LRP1B: variants seen among roughly 807,000 people sequenced by gnomAD.
LRP1B encodes the protein low-density lipoprotein receptor-related protein 1B.
A neutral mutation model predicts 556.6 loss-of-function variants in LRP1B; 217 were observed. The ratio of observed to expected loss-of-function variants is 0.39; its 90% CI spans 0.35 to 0.44. LRP1B has a LOEUF of 0.44. Ranked by LOEUF, LRP1B falls within the 20% of genes least tolerant of loss-of-function variation. The probability of loss-of-function intolerance (pLI) is 1.00; values close to 1 mark genes in which losing one functional copy is unlikely to be tolerated. For missense variants in LRP1B, 5,053 were observed against 5,620.8 expected, an observed-to-expected ratio of 0.90 and a Z score of 3.23; for synonymous variants, 2,047 against 1,865.8, an observed-to-expected ratio of 1.10 and a Z score of -2.50.
At chr2:141,508,090 C>CCCG (rs781168665) in intron 2 of LRP1B, among the ~76,000 whole-genome samples, 1 of 149,716 alleles carries the variant, frequency 6.7e-6, no homozygotes, top group Non-Finnish European at 1.5e-5. Flanking sequence ...CATCCCCCCC[C>CCCG]CAAAAAAAAA....
In LRP1B at chr2:141,421,289, G is replaced by A. The variant is rs1310603622; in HGVS notation, c.343+59107C>T. 2.6e-5 allele frequency among the ~76,000 whole-genome samples: 4 copies of A among 152,128 alleles called. No individual in the cohort carries two copies. In the East Asian group the frequency reaches 5.8e-4, roughly 22 times the overall value. On this transcript the variant is annotated intron_variant, in intron 3 of 90. Coordinates refer to ENST00000389484, the MANE Select transcript of LRP1B (RefSeq NM_018557.3). ...CACGCCTGTAATCCCAGCACTTTGG[G>A]AGCCCGAGGTGGGCGGATCACGAGG... is the stretch of plus-strand genomic sequence containing the variant.
intron 2 of LRP1B, among the ~76,000 whole-genome samples, chr2:141,646,477 A>G (rs1022168691): frequency 6.6e-6 from 1 of 152,168 alleles, no homozygotes; most frequent in Admixed American, 6.6e-5. Context: ...TGATATGAAA[A>G]GAATAATACA....
At position 141,083,825 on chromosome 2, in the gene LRP1B, C is replaced by T. The variant is rs868683496; in HGVS notation, c.1014-21552G>A. Among the ~76,000 whole-genome samples, 10 of 152,258 alleles carry T rather than the reference C, an allele frequency of 6.6e-5. 2 individuals carry two copies. In the Middle Eastern group the frequency reaches 0.031, roughly 466 times the overall value. ...GTCCTCATTGGCAAGAGGGCCCTCA[C>T]CAGATTCACCCCCCGACCTTGGACT... On this transcript the variant is annotated intron_variant, in intron 7 of 90. Coordinates refer to ENST00000389484, the MANE Select transcript of LRP1B (RefSeq NM_018557.3).
At chr2:140,235,429 A>C (rs1053014518) in intron 89 of LRP1B, among the ~76,000 whole-genome samples, 17 of 151,218 alleles carry the variant, frequency 1.1e-4, no homozygotes, top group African/African-American at 3.6e-4. Context: ...AACAAAGTGA[A>C]TGCTCTATAA....
chr2:141,418,985 C>A (rs1016531734), intron 3 of LRP1B, among the ~76,000 whole-genome samples: 3 of 151,882 alleles, frequency 2.0e-5, no homozygotes, highest in South Asian at 2.1e-4. Context: ...AAATGGGATT[C>A]TTTTCTCAAT....
intron 39 of LRP1B, 128 bp downstream of exon 39, chr2:140,702,013 G>T: frequency 7.5e-7 from 1 of 1,327,650 alleles, no homozygotes; most frequent in Non-Finnish European, 1.0e-6. Context: ...TGCCTTTTCT[G>T]TGGAAATTAC....
In LRP1B at chr2:140,238,259, C is replaced by T. The variant is rs2104881805; in HGVS notation, c.13453G>A (p.Gly4485Arg). The T allele has an allele frequency of 6.4e-7, 1 of 1,565,288 alleles. No individual in the cohort carries two copies. Among genetic ancestry groups the T allele is most frequent in the Admixed American group, 1.7e-5 (1 of 59,280 alleles). The stretch of plus-strand genomic sequence containing the variant: ...GGATTGCCAATTTCTACATTTATTC[C>T]TCCATTGATAATAGGTTGTCTTCTA... Reference protein sequence around the residue: ...TIRRQPIINGGINVEIGNPSY... With the variant: ...TIRRQPIINGRINVEIGNPSY... Residue 4485 changes from glycine (G) to arginine (R), a missense_variant, in exon 89 of 91, where the codon GGA becomes AGA. Physicochemically the swap from Gly to Arg is moderately radical, Grantham distance 125. This residue lies in a region of LRP1B where 551 missense variants were observed against 592.0 expected (regional missense o/e 0.93). Transcript: ENST00000389484.
intron 84 of LRP1B, among the ~76,000 whole-genome samples, chr2:140,287,945 ATTTAT>A (rs1683219036): frequency 6.6e-6 from 1 of 151,832 alleles, no homozygotes; most frequent in South Asian, 2.1e-4. Flanking sequence ...AAATGTCTAC[ATTTAT>A]TTAATCAGAT....
At position 141,424,538 on chromosome 2, in the gene LRP1B, T is replaced by C. The variant is rs149465339; in HGVS notation, c.343+55858A>G. ...CCTGAATCTTCATTACTCTTACCCA[T>C]TCACATTTGAAAGGCACTTTGAATA... On this transcript the variant is annotated intron_variant, in intron 3 of 90. Coordinates refer to ENST00000389484, the MANE Select transcript of LRP1B (RefSeq NM_018557.3). 8.0e-4 allele frequency among the ~76,000 whole-genome samples: 122 copies of C among 152,314 alleles called. 2 individuals carry two copies. In the East Asian group the frequency reaches 0.019, roughly 23 times the overall value.
chr2:141,265,022 G>A (rs552921792), intron 3 of LRP1B, among the ~76,000 whole-genome samples: 2 of 152,202 alleles, frequency 1.3e-5, no homozygotes, highest in African/African-American at 2.4e-5. Flanking sequence ...GTGCTGAGCC[G>A]CTGCTCCTGC....
At chr2:141,274,658 A>G (rs1200837192) in intron 3 of LRP1B, among the ~76,000 whole-genome samples, 1 of 152,160 alleles carries the variant, frequency 6.6e-6, no homozygotes, top group Non-Finnish European at 1.5e-5. Flanking sequence ...AAATATATTA[A>G]AAATCTTTAG....
At chr2:141,006,361 T>G (rs1264055900) in intron 14 of LRP1B, among the ~76,000 whole-genome samples, 1 of 152,070 alleles carries the variant, frequency 6.6e-6, no homozygotes, top group Non-Finnish European at 1.5e-5. Flanking sequence ...CACAGTGGTA[T>G]AGAACGTTGG....
chr2:141,747,950 ACT>A (rs771839309), intron 2 of LRP1B, among the ~76,000 whole-genome samples: 1 of 152,090 alleles, frequency 6.6e-6, no homozygotes, highest in African/African-American at 2.4e-5. Context: ...TAGATTAATG[ACT>A]CTGAGAATTC....
At chr2:140,779,383 G>A (rs10209433) in intron 32 of LRP1B, among the ~76,000 whole-genome samples, 132,896 of 152,192 alleles carry the variant, frequency 0.87, 58,407 homozygotes, top group East Asian at 1. Flanking sequence ...GTAGAACTCT[G>A]TAGTAAACTA....
chr2:140,969,293 G>A (rs576430457), intron 18 of LRP1B, among the ~76,000 whole-genome samples: 21 of 151,374 alleles, frequency 1.4e-4, no homozygotes, highest in Admixed American at 4.0e-4. Context: ...AATGGCCTTC[G>A]TCTCTTTTGA....
chr2:141,231,033 G>A (rs1683439741), intron 5 of LRP1B, among the ~76,000 whole-genome samples: 1 of 152,198 alleles, frequency 6.6e-6, no homozygotes, highest in East Asian at 1.9e-4. Flanking sequence ...GAAGACTTTA[G>A]AAACATTTCA....
At chr2:140,410,534 C>T (rs35567126) in intron 66 of LRP1B, among the ~76,000 whole-genome samples, 4 of 151,874 alleles carry the variant, frequency 2.6e-5, no homozygotes, top group South Asian at 4.1e-4. Flanking sequence ...AGAGACAGCA[C>T]GCTATGAAAG....
intron 32 of LRP1B, among the ~76,000 whole-genome samples, chr2:140,803,952 T>A (rs1433129737): frequency 2.4e-5 from 3 of 127,100 alleles, no homozygotes; most frequent in African/African-American, 9.1e-5. Flanking sequence ...GTGGGGTAAA[T>A]GAGAGAAGAA....
At chr2:140,638,301 G>A (rs1221927725) in intron 41 of LRP1B, among the ~76,000 whole-genome samples, 1 of 152,184 alleles carries the variant, frequency 6.6e-6, no homozygotes, top group Non-Finnish European at 1.5e-5. Context: ...CATTTCTGGA[G>A]GGGCATGGTC....
Sources: gnomAD v4.1 joint callset for allele counts (sites outside exome capture counted in the v4.1 genomes callset) on GRCh38, gnomAD v4.1.1 for gene constraint, gnomAD v4.1.1 regional missense constraint, MANE v1.5 for transcripts, NCBI Gene and HGNC (gene_info 2026-07-23, HGNC 2026-07-21) for gene names.